The following HMCN1 variants were observed in gnomAD, a reference collection of about 807,000 sequenced individuals.
The protein encoded by HMCN1 is hemicentin 1.
In HMCN1, 321 loss-of-function variants were observed where a neutral mutation model predicts 625.9. The observed-to-expected ratio is 0.51, with a 90% confidence interval of 0.47 to 0.56. HMCN1 has a LOEUF of 0.56. HMCN1 is among the 20% of genes least tolerant of loss of function. The pLI is 0.00. For synonymous variants in HMCN1, 2,425 were observed against 2,417.6 expected (o/e 1.00, Z -0.09); for missense variants, 6,588 against 6,887.3 (o/e 0.96, Z 1.54).
At chr1:185,951,882 A>T (rs1238341270) in intron 11 of HMCN1, among the ~76,000 whole-genome samples, 4 of 151,844 alleles carry the variant, frequency 2.6e-5, no homozygotes, top group Non-Finnish European at 5.9e-5. Context: ...AAGGAATTGC[A>T]ACTTTTTTCT....
intron 76 of HMCN1, 73 bp downstream of exon 76, chr1:186,117,188 G>A (rs980827574): frequency 1.5e-5 from 24 of 1,584,502 alleles, no homozygotes; most frequent in Non-Finnish European, 1.8e-5. Flanking sequence ...TTTACAAAAG[G>A]GATCCCTTTT....
At chr1:186,143,569 A>G (rs1650104309) in intron 89 of HMCN1, among the ~76,000 whole-genome samples, 1 of 152,236 alleles carries the variant, frequency 6.6e-6, no homozygotes, top group Admixed American at 6.5e-5. Context: ...GAAGCAGGTT[A>G]GTATGTTATT....
intron 64 of HMCN1, among the ~76,000 whole-genome samples, 188 bp from the exon 65 acceptor site, chr1:186,092,946 T>G (rs759818894): frequency 6.6e-6 from 1 of 152,132 alleles, no homozygotes; most frequent in Non-Finnish European, 1.5e-5. Flanking sequence ...TAGAGAAGTA[T>G]TCCTGATTTT....
At chr1:185,865,967 A>C in intron 4 of HMCN1, 104 bp downstream of exon 4, 1 of 1,167,936 alleles carries the variant, frequency 8.6e-7, no homozygotes, top group South Asian at 1.3e-5. Context: ...ATTTTAACCA[A>C]AAGGTATAAC....
chr1:186,123,201 C>A lies in HMCN1; in HGVS notation c.12480C>A (p.Ser4160Arg), dbSNP rs1198384096. ...AANVAGSSST[S>R]TKLTVHVPPR... is the part of the protein sequence containing the mutation. ...ATGTAGCAGGATCAAGCAGCACAAG[C>A]ACCAAGCTCACCGTCCATGGTAGGT... is the stretch of plus-strand genomic sequence containing the variant. Residue 4160 changes from serine to arginine, a missense_variant, in exon 81 of 107, where the codon AGC (serine) becomes AGA (arginine). Physicochemically the swap from Ser to Arg is moderately radical, Grantham distance 110. Coordinates refer to ENST00000271588, the MANE Select transcript of HMCN1 (RefSeq NM_031935.3). The A allele has an allele frequency of 2.5e-6, 4 of 1,613,676 alleles. No homozygotes were observed. The highest frequency in any genetic ancestry group is 4.5e-5 in the East Asian group (2 of 44,868).
chr1:185,898,761 C>A (rs904266984), intron 4 of HMCN1, among the ~76,000 whole-genome samples: 12 of 151,940 alleles, frequency 7.9e-5, no homozygotes, highest in Non-Finnish European at 1.5e-4. Context: ...GAACCTAATG[C>A]CAGTTACTTT....
At chr1:185,996,229 A>T (rs950653436) in intron 24 of HMCN1, among the ~76,000 whole-genome samples, 1 of 152,160 alleles carries the variant, frequency 6.6e-6, no homozygotes, top group African/African-American at 2.4e-5. Flanking sequence ...GGGTAGGGAC[A>T]TGTCAGTTGA....
intron 36 of HMCN1, among the ~76,000 whole-genome samples, chr1:186,033,221 C>T (rs760817301): frequency 2.6e-5 from 4 of 152,032 alleles, no homozygotes; most frequent in Non-Finnish European, 4.4e-5. Context: ...CGCATGTTCT[C>T]AATTTTAAGT....
intron 37 of HMCN1, 98 bp from the exon 38 acceptor site, chr1:186,038,725 AATAAGT>A: frequency 1.4e-6 from 1 of 728,562 alleles, no homozygotes. Context: ...AAATTCAAAT[AATAAGT>A]ATAAGAATAA....
chr1:186,028,642 C>A (rs894025100), intron 36 of HMCN1, among the ~76,000 whole-genome samples: 1 of 152,014 alleles, frequency 6.6e-6, no homozygotes, highest in Non-Finnish European at 1.5e-5. Context: ...TGACTATACC[C>A]AAAGAGCTTC....
At chr1:186,107,498 G>A (rs1241504946) in intron 70 of HMCN1, among the ~76,000 whole-genome samples, 2 of 152,150 alleles carry the variant, frequency 1.3e-5, no homozygotes, top group African/African-American at 4.8e-5. Context: ...TATGATGATA[G>A]AAAATGCATG....
At chr1:186,106,321 A>G (rs1660605464) in intron 69 of HMCN1, among the ~76,000 whole-genome samples, 1 of 152,260 alleles carries the variant, frequency 6.6e-6, no homozygotes, top group Non-Finnish European at 1.5e-5. Context: ...TAAAGTAATG[A>G]TTTTGGTTTT....
intron 60 of HMCN1, 92 bp downstream of exon 60, chr1:186,087,737 GA>G: frequency 7.6e-7 from 1 of 1,317,176 alleles, no homozygotes; most frequent in Non-Finnish European, 1.1e-6. Context: ...TTACTACAGT[GA>G]AAAATGATTT....
At chr1:185,797,335 G>T (rs1412040337) in intron 1 of HMCN1, among the ~76,000 whole-genome samples, 1 of 152,096 alleles carries the variant, frequency 6.6e-6, no homozygotes, top group African/African-American at 2.4e-5. Flanking sequence ...ACTGGGTCTT[G>T]CTCTGTTGCC....
At chr1:186,181,228 T>C (rs748320842) in intron 104 of HMCN1, among the ~76,000 whole-genome samples, 13 of 152,182 alleles carry the variant, frequency 8.5e-5, no homozygotes, top group Non-Finnish European at 1.3e-4. Flanking sequence ...GGTTAACTAG[T>C]CTTCCACTGG....
chr1:185,744,889 G>T (rs1654278957), intron 1 of HMCN1, among the ~76,000 whole-genome samples: 1 of 152,146 alleles, frequency 6.6e-6, no homozygotes, highest in East Asian at 1.9e-4. Context: ...CTATCTCCTG[G>T]ATGGATTGGA....
chr1:186,024,593 T>G (rs1654938796), intron 36 of HMCN1, among the ~76,000 whole-genome samples: 1 of 152,222 alleles, frequency 6.6e-6, no homozygotes, highest in African/African-American at 2.4e-5. Flanking sequence ...GTTTAAATTC[T>G]ATGCTAAACA....
chr1:185,997,127 G>C (rs1317410119), intron 24 of HMCN1, among the ~76,000 whole-genome samples: 2 of 152,078 alleles, frequency 1.3e-5, no homozygotes, highest in Non-Finnish European at 2.9e-5. Context: ...ATTGGATATG[G>C]AGGTCAAGCT....
chr1:186,051,360 GAAGGAACA>G (rs1380129853), intron 42 of HMCN1, among the ~76,000 whole-genome samples: 1 of 152,050 alleles, frequency 6.6e-6, no homozygotes, highest in Non-Finnish European at 1.5e-5. Context: ...TTCCCTCAGA[GAAGGAACA>G]AAGAGGGTTG....
Sources: gnomAD v4.1 joint callset for allele counts (sites outside exome capture counted in the v4.1 genomes callset) on GRCh38, gnomAD v4.1.1 for gene constraint, MANE v1.5 for transcripts, NCBI Gene and HGNC (gene_info 2026-07-23, HGNC 2026-07-21) for gene names.